The following TBX5 variants were observed in gnomAD, a reference collection of about 807,000 sequenced individuals.
The protein encoded by TBX5 is T-box transcription factor 5.
TBX5 carries 8 observed loss-of-function variants against 51.1 expected under a neutral mutation model. The observed-to-expected ratio is 0.16, with a 90% confidence interval of 0.09 to 0.28. The LOEUF (loss-of-function observed/expected upper bound fraction) is 0.28. TBX5 is among the 10% of genes least tolerant of loss of function. TBX5 has a pLI of 1.00. For missense variants in TBX5, 589 were observed against 671.7 expected, an observed-to-expected ratio of 0.88 and a Z score of 1.36; for synonymous variants, 302 against 266.4, an observed-to-expected ratio of 1.13 and a Z score of -1.30.
intron 5 of TBX5, among the ~76,000 whole-genome samples, chr12:114,397,375 G>A (rs765126125): frequency 7.2e-5 from 11 of 152,098 alleles, no homozygotes; most frequent in Non-Finnish European, 1.0e-4. Flanking sequence ...TATGCCTCCC[G>A]TCCGCCCCCT....
intron 6 of TBX5, among the ~76,000 whole-genome samples, chr12:114,392,014 A>T (rs1356414996): frequency 6.6e-6 from 1 of 152,168 alleles, no homozygotes; most frequent in East Asian, 1.9e-4. Flanking sequence ...AACATTATGC[A>T]CAGCTCAACT....
Position 114,355,529 on chromosome 12 carries a change from A to T in TBX5, c.*3T>A. Reference sequence around the variant, plus strand: ...AAATGTCTGTTGTGAAGCAGGCCTCACTTTAGCTATTGTCGCTCCACTCTG... The same window carrying T: ...AAATGTCTGTTGTGAAGCAGGCCTCTCTTTAGCTATTGTCGCTCCACTCTG... On this transcript the variant is annotated 3_prime_UTR_variant, in exon 9 of 9. Coordinates refer to ENST00000405440, the MANE Select transcript of TBX5 (RefSeq NM_181486.4). 1 of 1,613,876 alleles carries T rather than the reference A, an allele frequency of 6.2e-7. No homozygotes were observed. The highest frequency in any genetic ancestry group is 8.5e-7 in the Non-Finnish European group (1 of 1,179,974).
intron 7 of TBX5, among the ~76,000 whole-genome samples, chr12:114,384,587 T>A (rs1189882226): frequency 6.6e-6 from 1 of 152,168 alleles, no homozygotes; most frequent in Non-Finnish European, 1.5e-5. Context: ...TTATCTTTCT[T>A]TGAATGAATA....
intron 5 of TBX5, among the ~76,000 whole-genome samples, chr12:114,396,931 A>C (rs1041545883): frequency 4.6e-5 from 7 of 152,096 alleles, no homozygotes; most frequent in Non-Finnish European, 8.8e-5. Context: ...GTGGCTCTGC[A>C]TTTGCCTGGG....
At chr12:114,401,798 C>T (rs372039580) in intron 3 of TBX5, 28 bp downstream of exon 3, 3 of 1,607,952 alleles carry the variant, frequency 1.9e-6, no homozygotes, top group East Asian at 4.5e-5. Context: ...TCTCCTCGTC[C>T]CTCTCTCTAC....
chr12:114,383,530 T>G (rs556160976), intron 7 of TBX5, among the ~76,000 whole-genome samples: 1 of 152,280 alleles, frequency 6.6e-6, no homozygotes, highest in African/African-American at 2.4e-5. Context: ...GGACATGTTC[T>G]CCACTGCAAA....
chr12:114,369,757 A>G (rs1203481717), intron 7 of TBX5, among the ~76,000 whole-genome samples: 3 of 152,206 alleles, frequency 2.0e-5, no homozygotes, highest in Admixed American at 2.0e-4. Flanking sequence ...TGAAAGTTGA[A>G]AAGCCCTTCT....
At chr12:114,368,165 C>T (rs1286555964) in intron 7 of TBX5, among the ~76,000 whole-genome samples, 1 of 152,124 alleles carries the variant, frequency 6.6e-6, no homozygotes, top group African/African-American at 2.4e-5. Flanking sequence ...GCTTGTGGTG[C>T]TAATTATAGT....
chr12:114,367,773 T>C (rs1185891829), intron 7 of TBX5, among the ~76,000 whole-genome samples: 1 of 152,168 alleles, frequency 6.6e-6, no homozygotes, highest in Non-Finnish European at 1.5e-5. Flanking sequence ...GCATTTAGGA[T>C]GGGGATAGGG....
chr12:114,407,875 A>G, upstream of TBX5: 1 of 985,466 alleles, frequency 1.0e-6, no homozygotes, highest in Non-Finnish European at 1.2e-6. Flanking sequence ...GCTGGAGAGC[A>G]GGGCTCAGGT....
At chr12:114,408,154 A>C (rs1593891957), upstream of TBX5, 11 of 985,382 alleles carry the variant, frequency 1.1e-5, no homozygotes, top group Non-Finnish European at 1.3e-5. Flanking sequence ...GCTGGGGGGC[A>C]GCGGCGGGAG....
intron 7 of TBX5, among the ~76,000 whole-genome samples, chr12:114,378,991 C>A (rs1377771252): frequency 6.6e-6 from 1 of 152,184 alleles, no homozygotes; most frequent in Admixed American, 6.5e-5. Flanking sequence ...AAAGTCTGAA[C>A]ACCCTGAGTC....
At chr12:114,374,151 T>C (rs1870070618) in intron 7 of TBX5, among the ~76,000 whole-genome samples, 1 of 152,240 alleles carries the variant, frequency 6.6e-6, no homozygotes, top group African/African-American at 2.4e-5. Flanking sequence ...TCTGAAGGAA[T>C]GATAAATGTT....
intron 2 of TBX5, 37 bp downstream of exon 2, chr12:114,403,715 T>C (rs1254780600): frequency 1.2e-6 from 2 of 1,606,454 alleles, no homozygotes; most frequent in South Asian, 2.2e-5. Flanking sequence ...CTGACTTTGA[T>C]CTCTGCAAAG....
chr12:114,361,415 T>C (rs542987975), intron 8 of TBX5, among the ~76,000 whole-genome samples: 1 of 152,346 alleles, frequency 6.6e-6, no homozygotes, highest in East Asian at 1.9e-4. Flanking sequence ...GGGTTGCTTT[T>C]AGTTTCTAAT....
intron 7 of TBX5, among the ~76,000 whole-genome samples, chr12:114,384,821 T>C (rs1870711906): frequency 6.6e-6 from 1 of 152,030 alleles, no homozygotes; most frequent in Non-Finnish European, 1.5e-5. Context: ...GTAAGTTATT[T>C]TGGAAGCACA....
intron 6 of TBX5, among the ~76,000 whole-genome samples, chr12:114,386,141 A>G (rs1158640833): frequency 6.6e-6 from 1 of 152,226 alleles, no homozygotes; most frequent in East Asian, 1.9e-4. Context: ...AATATACATA[A>G]TGATAACTTA....
chr12:114,382,331 A>ATAAG (rs1303491296), intron 7 of TBX5, among the ~76,000 whole-genome samples: 1 of 152,052 alleles, frequency 6.6e-6, no homozygotes, highest in African/African-American at 2.4e-5. Context: ...CAATCAATCA[A>ATAAG]TAAGTAAGTA....
upstream of TBX5, among the ~76,000 whole-genome samples, chr12:114,407,323 C>T (rs1245390047): frequency 1.3e-5 from 2 of 152,190 alleles, no homozygotes; most frequent in Non-Finnish European, 2.9e-5. Flanking sequence ...ACACCCTCAC[C>T]CTCCAAGTCA....
Sources: gnomAD v4.1 joint callset for allele counts (sites outside exome capture counted in the v4.1 genomes callset) on GRCh38, gnomAD v4.1.1 for gene constraint, MANE v1.5 for transcripts, NCBI Gene and HGNC (gene_info 2026-07-23, HGNC 2026-07-21) for gene names.